CNKSR2: variants seen among roughly 807,000 people sequenced by gnomAD.
CNKSR2 encodes the protein CNK homolog protein 2.
In CNKSR2, 14 loss-of-function variants were observed where a neutral mutation model predicts 84.4. That is an observed-to-expected ratio of 0.17 (90% CI 0.11 to 0.26). The LOEUF (loss-of-function observed/expected upper bound fraction) is 0.26, where lower values mean the gene tolerates loss of function less well. CNKSR2 is among the 10% of genes least tolerant of loss of function. The pLI is 1.00. For synonymous variants in CNKSR2, 275 were observed against 277.9 expected, an observed-to-expected ratio of 0.99 and a Z score of 0.10; for missense variants, 485 against 771.2, an observed-to-expected ratio of 0.63 and a Z score of 4.40.
intron 6 of CNKSR2, among the ~76,000 whole-genome samples, chrX:21,497,410 A>G (rs947635376): frequency 1.8e-5 from 2 of 111,942 alleles, no homozygotes; most frequent in Non-Finnish European, 3.8e-5. Context: ...AGTTAATAAC[A>G]TACCAATATT....
In CNKSR2 at chrX:21,426,747, C is replaced by T. The variant is rs6528019; in HGVS notation, c.228+87C>T. ...TTTTTTCTTCTCCTCTTTTGATAAT[C>T]GAAATGCAAATAGAAGAAAAAAACT... On this transcript the variant is annotated intron_variant, in intron 2 of 21. Coordinates refer to ENST00000379510, the MANE Select transcript of CNKSR2 (RefSeq NM_014927.5). 38,949 of 1,004,839 alleles carry T rather than the reference C, an allele frequency of 0.039. 7,618 individuals carry two copies. In the African/African-American group the frequency reaches 0.62, roughly 16 times the overall value. The allele number at this position is 1,004,839 out of a possible 1,213,427, so 82.8% of individuals were successfully genotyped here.
At chrX:21,650,508 T>A (rs1238937454) in intron 21 of CNKSR2, among the ~76,000 whole-genome samples, 1 of 108,916 alleles carries the variant, frequency 9.2e-6, no homozygotes, top group East Asian at 2.9e-4. Flanking sequence ...CAAACCACCA[T>A]GGCACGTGTA....
chrX:21,536,875 A>G (rs1345518809), intron 11 of CNKSR2, among the ~76,000 whole-genome samples: 1 of 55,248 alleles, frequency 1.8e-5, no homozygotes, highest in Non-Finnish European at 3.6e-5. Context: ...TCTGATCTTT[A>G]TTATTTCTTT....
intron 5 of CNKSR2, among the ~76,000 whole-genome samples, chrX:21,486,169 C>T (rs912581745): frequency 4.5e-5 from 5 of 111,586 alleles, no homozygotes; most frequent in African/African-American, 1.3e-4. Context: ...ATGAATATTG[C>T]GAAAATAGCA....
Position 21,374,422 on chromosome X carries a change from T to C in CNKSR2, c.-476T>C. 1 of 263,835 alleles carries C rather than the reference T, an allele frequency of 3.8e-6. No homozygotes were observed. Among genetic ancestry groups the C allele is most frequent in the Non-Finnish European group, 6.7e-6 (1 of 149,100 alleles). 21.7% of individuals were successfully genotyped at this position (263,835 alleles called of 1,213,427 possible). ...TTGGGTGGCAGGAGGCCCCTCGTCA[T>C]TTCCGCCGGGCAGCTAGTCGTGCTC... On this transcript the variant is annotated 5_prime_UTR_variant, in exon 1 of 22. Coordinates refer to ENST00000379510, the MANE Select transcript of CNKSR2 (RefSeq NM_014927.5).
rs189210908 is a variant in CNKSR2, at chrX:21,469,109, T to C, written c.520-1657T>C. 7.5e-4 allele frequency among the ~76,000 whole-genome samples: 83 copies of C among 110,541 alleles called. 1 individual carries two copies. The highest frequency in any genetic ancestry group is 2.5e-3 in the African/African-American group (74 of 29,280). On this transcript the variant is annotated intron_variant, in intron 4 of 21. Transcript: ENST00000379510. ...ACTACTAGAGTATACATTCAGATCA[T>C]GTTTACTTTGTTTACTTTTTTCCTT... is the stretch of plus-strand genomic sequence containing the variant.
chrX:21,441,001 A>G (rs2090775465), intron 4 of CNKSR2: 4 of 251,275 alleles, frequency 1.6e-5, no homozygotes, highest in Non-Finnish European at 2.8e-5. Flanking sequence ...ACCTGTACAC[A>G]CACAAACAAA....
At chrX:21,383,617 G>A (rs1272639870) in intron 1 of CNKSR2, among the ~76,000 whole-genome samples, 1 of 111,458 alleles carries the variant, frequency 9.0e-6, no homozygotes, top group Non-Finnish European at 1.9e-5. Flanking sequence ...TTTAGATACA[G>A]TGGTAGATAA....
At chrX:21,605,782 G>A (rs1354181929) in intron 18 of CNKSR2, among the ~76,000 whole-genome samples, 5 of 111,955 alleles carry the variant, frequency 4.5e-5, no homozygotes, top group East Asian at 2.8e-4. Flanking sequence ...GTAAATATAC[G>A]TGCCATGATT....
chrX:21,543,819 CTTTTCTTT>C (rs1569232188), intron 11 of CNKSR2, among the ~76,000 whole-genome samples: 1 of 110,530 alleles, frequency 9.0e-6, no homozygotes. Context: ...TTTTTCTTTT[CTTTTCTTT>C]TTTTCTTTTT....
At chrX:21,457,473 A>C (rs1429729976) in intron 4 of CNKSR2, among the ~76,000 whole-genome samples, 1 of 112,008 alleles carries the variant, frequency 8.9e-6, no homozygotes, top group Non-Finnish European at 1.9e-5. Context: ...GTCAATAATC[A>C]ATAAACACCA....
chrX:21,386,018 CAAAAAAAAAAA>C (rs1179082753), intron 1 of CNKSR2, among the ~76,000 whole-genome samples: 1 of 20,457 alleles, frequency 4.9e-5, no homozygotes, highest in Non-Finnish European at 9.8e-5. Context: ...TGGATGTAGG[CAAAAAAAAAAA>C]AAAAAAAAAA....
chrX:21,470,090 A>T (rs764372725), intron 4 of CNKSR2, among the ~76,000 whole-genome samples: 6 of 111,728 alleles, frequency 5.4e-5, no homozygotes, highest in Non-Finnish European at 1.1e-4. Context: ...CGCCATAGAA[A>T]CATTGTCTCT....
At chrX:21,649,785 A>G (rs940305210) in intron 21 of CNKSR2, among the ~76,000 whole-genome samples, 8 of 111,769 alleles carry the variant, frequency 7.2e-5, no homozygotes, top group Non-Finnish European at 1.5e-4. Flanking sequence ...TTATAAAACA[A>G]AAACAGAAGA....
At chrX:21,535,223 T>C (rs2091917319) in intron 11 of CNKSR2, among the ~76,000 whole-genome samples, 1 of 111,486 alleles carries the variant, frequency 9.0e-6, no homozygotes, top group Non-Finnish European at 1.9e-5. Flanking sequence ...TCCATTCTGT[T>C]TGATTGGGCT....
At chrX:21,469,062 A>T (rs1454396100) in intron 4 of CNKSR2, among the ~76,000 whole-genome samples, 1 of 112,507 alleles carries the variant, frequency 8.9e-6, no homozygotes, top group Non-Finnish European at 1.9e-5. Context: ...TGAAATAGTT[A>T]CTTTCCGTAT....
chrX:21,374,980 A>T lies in CNKSR2; in HGVS notation c.64+19A>T. ...ATGAAAGGTAATGCCCGCTGCGGGG[A>T]GGGTGAGGCGGCACTGGGGCGCGGG... On this transcript the variant is annotated intron_variant, in intron 1 of 21. Coordinates refer to ENST00000379510, the MANE Select transcript of CNKSR2 (RefSeq NM_014927.5). 1.7e-6 allele frequency: 2 copies of T among 1,184,358 alleles called. No individual in the cohort carries two copies. The highest frequency in any genetic ancestry group is 1.1e-6 in the Non-Finnish European group (1 of 870,728).
At chrX:21,500,206 C>G (rs2091544983) in intron 7 of CNKSR2, among the ~76,000 whole-genome samples, 1 of 110,897 alleles carries the variant, frequency 9.0e-6, no homozygotes, top group Non-Finnish European at 1.9e-5. Flanking sequence ...ACTTCAGTAA[C>G]TAGAACTCCC....
chrX:21,600,315 A>G (rs1190608441), intron 17 of CNKSR2, among the ~76,000 whole-genome samples: 3 of 112,242 alleles, frequency 2.7e-5, no homozygotes, highest in African/African-American at 9.7e-5. Context: ...GTTCTCAAAC[A>G]CAATTTTTTC....
Sources: allele counts gnomAD v4.1 joint callset (sites outside exome capture counted in the v4.1 genomes callset), GRCh38; gene constraint gnomAD v4.1.1; transcripts MANE v1.5; gene names NCBI Gene and HGNC (gene_info 2026-07-23, HGNC 2026-07-21).